The following DNM3 variants were observed in gnomAD, a reference collection of about 807,000 sequenced individuals.
DNM3 encodes dynamin-3.
DNM3 carries 47 observed loss-of-function variants against 101.6 expected under a neutral mutation model. The observed-to-expected ratio is 0.46, with a 90% CI of 0.37 to 0.59. DNM3 has a LOEUF of 0.59. Ranked by LOEUF, DNM3 falls within the 20% of genes least tolerant of loss-of-function variation. The pLI is 0.00. For missense variants in DNM3, 849 were observed against 1,085.7 expected (o/e 0.78, Z 3.06); for synonymous variants, 385 against 387.9 (o/e 0.99, Z 0.09).
chr1:172,319,834 G>A (rs1242094446), intron 16 of DNM3, among the ~76,000 whole-genome samples: 1 of 151,874 alleles, frequency 6.6e-6, no homozygotes, highest in African/African-American at 2.4e-5. Flanking sequence ...TGATTCCTCA[G>A]GGATCTAGAA....
intron 14 of DNM3, among the ~76,000 whole-genome samples, chr1:172,181,375 T>TACACACACACACAC (rs55756017): frequency 1.9e-4 from 28 of 147,724 alleles, no homozygotes; most frequent in African/African-American, 3.0e-4. Context: ...CACTTGAGTT[T>TACACACACACACAC]ACACACACAC....
chr1:172,117,106 G>C (rs1209128100), intron 13 of DNM3, among the ~76,000 whole-genome samples: 1 of 151,928 alleles, frequency 6.6e-6, no homozygotes, highest in Non-Finnish European at 1.5e-5. Flanking sequence ...TTGGGAGGCT[G>C]AGACAGGAGA....
At chr1:172,387,062 A>C in intron 18 of DNM3, 71 bp from the exon 19 acceptor site, 1 of 1,319,374 alleles carries the variant, frequency 7.6e-7, no homozygotes, top group Non-Finnish European at 1.1e-6. Flanking sequence ...TCTGACTGCC[A>C]CAGCCATGTT....
chr1:172,156,118 A>G (rs940193477), intron 14 of DNM3, among the ~76,000 whole-genome samples: 1 of 152,134 alleles, frequency 6.6e-6, no homozygotes, highest in African/African-American at 2.4e-5. Context: ...AGCTTTCAGC[A>G]TAGTGTCCAG....
intron 10 of DNM3, among the ~76,000 whole-genome samples, chr1:172,058,127 C>T (rs7519792): frequency 0.16 from 17,168 of 105,116 alleles, 1,916 homozygotes; most frequent in East Asian, 0.46. Flanking sequence ...AAGGGATCAA[C>T]TCAACAAGAA....
chr1:171,894,347 C>G (rs998300579), intron 1 of DNM3, among the ~76,000 whole-genome samples: 3 of 152,172 alleles, frequency 2.0e-5, no homozygotes, highest in Non-Finnish European at 2.9e-5. Context: ...CACTGGAAAA[C>G]CGGAAAGCTC....
chr1:172,338,065 C>T (rs932076497), intron 17 of DNM3, among the ~76,000 whole-genome samples: 4 of 151,548 alleles, frequency 2.6e-5, no homozygotes, highest in South Asian at 2.1e-4. Flanking sequence ...CACAGGCGCC[C>T]GCCACCAAGC....
Position 172,239,798 on chromosome 1 carries a change from C to CTTTTTTTTTTTT in DNM3, c.1660-13774_1660-13773insTTTTTTTTTTTT, listed in dbSNP as rs369238528. Among the ~76,000 whole-genome samples the CTTTTTTTTTTTT allele has an allele frequency of 2.6e-3, 282 of 106,854 alleles. 12 individuals carry two copies. Among genetic ancestry groups the CTTTTTTTTTTTT allele is most frequent in the Admixed American group, 4.5e-3 (35 of 7,694 alleles). The allele number at this position is 106,854 out of a possible 152,430, so 70.1% of individuals were successfully genotyped here. A position where few individuals can be genotyped will look rare whatever the true frequency, so the allele number is the denominator to read the frequency against. ...TTTCTCCAGCCCTGTCTTTTTTTTT[C>CTTTTTTTTTTTT]TCTTTTTTTTTTTTTTTTTTTTGTA... On this transcript the variant is annotated intron_variant, in intron 14 of 20. Transcript: ENST00000627582.
intron 20 of DNM3, 39 bp from the exon 21 acceptor site, chr1:172,407,733 T>G: frequency 6.3e-7 from 1 of 1,594,564 alleles, no homozygotes; most frequent in Non-Finnish European, 8.6e-7. Context: ...TGCTAGATAT[T>G]CTACTTGTTT....
intron 13 of DNM3, among the ~76,000 whole-genome samples, chr1:172,102,016 G>A (rs893179086): frequency 2.0e-5 from 3 of 151,890 alleles, no homozygotes; most frequent in Admixed American, 6.6e-5. Flanking sequence ...GTGCCACCAC[G>A]CCTGGCTAAT....
chr1:172,322,623 T>C (rs1257189431), intron 16 of DNM3, among the ~76,000 whole-genome samples: 28 of 152,170 alleles, frequency 1.8e-4, no homozygotes, highest in Admixed American at 4.6e-4. Context: ...TGACTAACCT[T>C]TCCAGACCCA....
chr1:171,905,870 CA>C (rs112596756), intron 1 of DNM3, among the ~76,000 whole-genome samples: 11 of 144,998 alleles, frequency 7.6e-5, no homozygotes, highest in East Asian at 4.0e-4. Flanking sequence ...TGTCTCAAGA[CA>C]AAAAAAAAAT....
chr1:172,114,895 A>G (rs532291628), intron 13 of DNM3, among the ~76,000 whole-genome samples: 137 of 152,268 alleles, frequency 9.0e-4, no homozygotes, highest in African/African-American at 2.6e-3. Flanking sequence ...CCAAAATTTT[A>G]TCTTTTATAA....
At position 172,220,786 on chromosome 1, in the gene DNM3, T is replaced by C. The variant is rs150256768; in HGVS notation, c.1660-32787T>C. Reference sequence around the variant, plus strand: ...TGTTAAAGCAGTAAACACCAAGCTATCACAATCTGACCCGTTGAGATTCCA... The same window carrying C: ...TGTTAAAGCAGTAAACACCAAGCTACCACAATCTGACCCGTTGAGATTCCA... On this transcript the variant is annotated intron_variant, in intron 14 of 20. Transcript: ENST00000627582. 2.5e-3 allele frequency among the ~76,000 whole-genome samples: 374 copies of C among 152,288 alleles called. 4 individuals are homozygous for C. The highest frequency in any genetic ancestry group is 8.4e-3 in the African/African-American group (348 of 41,570).
At chr1:172,187,263 A>T (rs1292267894) in intron 14 of DNM3, among the ~76,000 whole-genome samples, 1 of 152,092 alleles carries the variant, frequency 6.6e-6, no homozygotes, top group Non-Finnish European at 1.5e-5. Flanking sequence ...GCAATATGAT[A>T]TTCATTTTTC....
intron 11 of DNM3, among the ~76,000 whole-genome samples, chr1:172,076,915 A>G (rs1203928386): frequency 6.6e-6 from 1 of 152,072 alleles, no homozygotes; most frequent in Non-Finnish European, 1.5e-5. Flanking sequence ...TGTACCTATC[A>G]CAGAATTCAG....
intron 2 of DNM3, among the ~76,000 whole-genome samples, chr1:171,942,201 A>ATTT (rs71561599): frequency 0.087 from 8,990 of 103,432 alleles, 729 homozygotes; most frequent in East Asian, 0.29. Flanking sequence ...TGCTCACTTG[A>ATTT]TTTTTTTTTT....
intron 14 of DNM3, among the ~76,000 whole-genome samples, chr1:172,192,039 C>G (rs954775289): frequency 8.5e-5 from 13 of 152,156 alleles, no homozygotes; most frequent in Middle Eastern, 3.4e-3. Context: ...ATCTTGAATA[C>G]GAGTGGTGAG....
intron 17 of DNM3, among the ~76,000 whole-genome samples, chr1:172,338,348 T>C (rs529848125): frequency 6.6e-6 from 1 of 152,306 alleles, no homozygotes; most frequent in East Asian, 1.9e-4. Flanking sequence ...TCCGTTACCA[T>C]TGAGGAGAAT....
Sources: allele counts gnomAD v4.1 joint callset (sites outside exome capture counted in the v4.1 genomes callset), GRCh38; gene constraint gnomAD v4.1.1; transcripts MANE v1.5; gene names NCBI Gene and HGNC (gene_info 2026-07-23, HGNC 2026-07-21).